FA2H: variants seen among roughly 807,000 people sequenced by gnomAD.
The protein encoded by FA2H is fatty acid alpha-hydroxylase.
FA2H carries 22 observed loss-of-function variants against 44.9 expected under a neutral mutation model. That is an observed-to-expected ratio of 0.49 (90% CI 0.35 to 0.70). The LOEUF (loss-of-function observed/expected upper bound fraction) is 0.70, where lower values mean the gene tolerates loss of function less well. Ranked by LOEUF, FA2H falls within the 30% of genes least tolerant of loss-of-function variation. FA2H has a pLI of 0.01. For missense variants in FA2H, 501 were observed against 504.9 expected (o/e 0.99, Z 0.07); for synonymous variants, 243 against 213.2 (o/e 1.14, Z -1.22).
intron 1 of FA2H, 120 bp from the exon 2 acceptor site, chr16:74,740,235 G>A: frequency 1.3e-6 from 1 of 786,984 alleles, no homozygotes; most frequent in East Asian, 2.4e-5. Flanking sequence ...GGGCAGGGTG[G>A]TGGAGATCAA....
chr16:74,727,968 G>C (rs1418406706), intron 2 of FA2H, among the ~76,000 whole-genome samples: 1 of 152,038 alleles, frequency 6.6e-6, no homozygotes, highest in Non-Finnish European at 1.5e-5. Flanking sequence ...CTAGGTGCTG[G>C]GAAGAATCAA....
chr16:74,714,148 G>T lies in FA2H; in HGVS notation c.*42C>A. Reference sequence around the variant, plus strand: ...AATGGCGGGTGGGGGTCGGGAAGGGGCCAGGGCCGGGCTGAGGGCAGGACG... The same window carrying T: ...AATGGCGGGTGGGGGTCGGGAAGGGTCCAGGGCCGGGCTGAGGGCAGGACG... On this transcript the variant is annotated 3_prime_UTR_variant, in exon 7 of 7. Coordinates refer to ENST00000219368, the MANE Select transcript of FA2H (RefSeq NM_024306.5). The T allele has an allele frequency of 1.5e-6, 2 of 1,339,556 alleles. No homozygotes were observed. Among genetic ancestry groups the T allele is most frequent in the Non-Finnish European group, 2.1e-6 (2 of 955,604 alleles). 83.0% of individuals were successfully genotyped at this position (1,339,556 alleles called of 1,614,324 possible). A position where few individuals can be genotyped will look rare whatever the true frequency, so the allele number is the denominator to read the frequency against.
intron 1 of FA2H, among the ~76,000 whole-genome samples, chr16:74,747,838 T>G (rs1390115687): frequency 6.6e-6 from 1 of 152,148 alleles, no homozygotes; most frequent in Non-Finnish European, 1.5e-5. Flanking sequence ...TTTGTGACAG[T>G]TTGTTACAGC....
intron 6 of FA2H, 56 bp from the exon 7 acceptor site, chr16:74,714,325 T>C (rs1016242086): frequency 2.0e-5 from 23 of 1,164,786 alleles, no homozygotes; most frequent in Admixed American, 7.9e-5. Context: ...AGGCGTGCGC[T>C]GGCTTGGGAA....
rs199827570 is a variant in FA2H, at chr16:74,740,129, A to G, written c.271-14T>C. ...CTCCATGGAGCCCTGGAAGGAGAAGATACAAGAGGATTATACACAGTGGGT... is the reference window on the plus strand; with the variant it reads ...CTCCATGGAGCCCTGGAAGGAGAAGGTACAAGAGGATTATACACAGTGGGT... On this transcript the variant is annotated splice_polypyrimidine_tract_variant and intron_variant, in intron 1 of 6. Coordinates refer to ENST00000219368, the MANE Select transcript of FA2H (RefSeq NM_024306.5). 3.0e-5 allele frequency: 48 copies of G among 1,598,940 alleles called. No homozygotes were observed. The East Asian group carries it at 1.0e-3, about 33-fold the overall frequency.
intron 1 of FA2H, among the ~76,000 whole-genome samples, chr16:74,759,300 C>T (rs937079209): frequency 2.6e-5 from 4 of 152,200 alleles, no homozygotes; most frequent in African/African-American, 9.7e-5. Context: ...CAGCCACTGC[C>T]GTAGAGAAGG....
At chr16:74,726,473 C>T in intron 3 of FA2H, 142 bp from the exon 4 acceptor site, 1 of 604,552 alleles carries the variant, frequency 1.7e-6, no homozygotes. Context: ...ACTGCAACCT[C>T]TGCCTCTGGG....
intron 6 of FA2H, among the ~76,000 whole-genome samples, chr16:74,715,318 G>T (rs1225266219): frequency 6.6e-6 from 1 of 152,034 alleles, no homozygotes; most frequent in Admixed American, 6.6e-5. Flanking sequence ...TACAAAAAGG[G>T]TCTCACTCTG....
intron 3 of FA2H, among the ~76,000 whole-genome samples, chr16:74,726,710 A>G (rs1961965681): frequency 1.3e-5 from 2 of 152,218 alleles, no homozygotes; most frequent in African/African-American, 4.8e-5. Context: ...TTAGAGACAC[A>G]TAACTCAACT....
At chr16:74,714,985 C>A (rs1201777558) in intron 6 of FA2H, among the ~76,000 whole-genome samples, 2 of 151,852 alleles carry the variant, frequency 1.3e-5, no homozygotes, top group Non-Finnish European at 2.9e-5. Context: ...TACAGGCGCG[C>A]ACCACCATAT....
At chr16:74,714,890 G>A (rs1402680752) in intron 6 of FA2H, among the ~76,000 whole-genome samples, 2 of 148,768 alleles carry the variant, frequency 1.3e-5, no homozygotes, top group African/African-American at 5.0e-5. Context: ...AGGCTGGAGT[G>A]CACTGGTGTG....
intron 2 of FA2H, among the ~76,000 whole-genome samples, chr16:74,734,570 G>A (rs1470633904): frequency 6.6e-6 from 1 of 152,230 alleles, no homozygotes; most frequent in Non-Finnish European, 1.5e-5. Flanking sequence ...CCCAGGCTAT[G>A]CCAGGAATGT....
At chr16:74,773,719 G>A (rs1403109117) in intron 1 of FA2H, among the ~76,000 whole-genome samples, 3 of 152,162 alleles carry the variant, frequency 2.0e-5, no homozygotes, top group African/African-American at 7.2e-5. Flanking sequence ...TCCTGAAATG[G>A]GAATAACAAA....
chr16:74,722,174 C>T (rs1445031091), intron 4 of FA2H, among the ~76,000 whole-genome samples: 1 of 147,352 alleles, frequency 6.8e-6, no homozygotes, highest in Non-Finnish European at 1.5e-5. Flanking sequence ...GGCTCTTCTG[C>T]TCATCTTTCT....
intron 1 of FA2H, among the ~76,000 whole-genome samples, chr16:74,768,091 C>T (rs1204740804): frequency 6.6e-6 from 1 of 152,120 alleles, no homozygotes; most frequent in Non-Finnish European, 1.5e-5. Flanking sequence ...CAATGAGGAG[C>T]ATGTGTCATA....
At chr16:74,742,683 A>T (rs1236381864) in intron 1 of FA2H, among the ~76,000 whole-genome samples, 1 of 152,058 alleles carries the variant, frequency 6.6e-6, no homozygotes, top group East Asian at 1.9e-4. Flanking sequence ...AAGAAAAAAT[A>T]AAAAAGCCAG....
chr16:74,758,696 T>G (rs992011395), intron 1 of FA2H, among the ~76,000 whole-genome samples: 1 of 152,026 alleles, frequency 6.6e-6, no homozygotes, highest in Non-Finnish European at 1.5e-5. Context: ...GAGGCTGAGG[T>G]GTGCAGATCA....
At chr16:74,765,477 C>T (rs1220499162) in intron 1 of FA2H, among the ~76,000 whole-genome samples, 1 of 151,780 alleles carries the variant, frequency 6.6e-6, no homozygotes, top group East Asian at 2.0e-4. Flanking sequence ...CTTAAAGTAT[C>T]TTGCATATGC....
chr16:74,726,168 C>T, intron 4 of FA2H, 57 bp downstream of exon 4: 3 of 1,212,792 alleles, frequency 2.5e-6, no homozygotes, highest in Non-Finnish European at 3.7e-6. Flanking sequence ...AGGGAAAGCA[C>T]TGAGGTCTCC....
Sources: allele counts gnomAD v4.1 joint callset (sites outside exome capture counted in the v4.1 genomes callset), GRCh38; gene constraint gnomAD v4.1.1; transcripts MANE v1.5; gene names NCBI Gene and HGNC (gene_info 2026-07-23, HGNC 2026-07-21).